Variants in BBX observed in about 807,000 individuals in gnomAD.
BBX encodes the protein BBX high mobility group box domain containing.
BBX carries 30 observed loss-of-function variants against 100.2 expected under a neutral mutation model. The observed-to-expected ratio is 0.30, with a 90% CI of 0.22 to 0.41. The LOEUF (loss-of-function observed/expected upper bound fraction) is 0.41, where lower values mean the gene tolerates loss of function less well. Among genes scored for constraint, BBX ranks in the 10% least tolerant of loss-of-function variants. BBX has a pLI of 1.00. For synonymous variants in BBX, 376 were observed against 388.1 expected (o/e 0.97, Z 0.37); for missense variants, 1,023 against 1,129.8 (o/e 0.91, Z 1.35).
intron 3 of BBX, among the ~76,000 whole-genome samples, chr3:107,676,173 G>A (rs945067752): frequency 1.3e-5 from 2 of 152,042 alleles, no homozygotes; most frequent in Non-Finnish European, 1.5e-5. Flanking sequence ...ACAAAACAAT[G>A]AGTCTATAAC....
intron 7 of BBX, among the ~76,000 whole-genome samples, chr3:107,739,253 A>C (rs1001806276): frequency 3.9e-5 from 6 of 152,202 alleles, no homozygotes; most frequent in African/African-American, 1.4e-4. Flanking sequence ...ATTCCAGAAT[A>C]CTTTAATCCA....
chr3:107,577,750 G>A (rs2051904356), intron 2 of BBX, among the ~76,000 whole-genome samples: 1 of 152,136 alleles, frequency 6.6e-6, no homozygotes, highest in South Asian at 2.1e-4. Context: ...GTAGCAAAGG[G>A]ACTGGAAAGA....
At chr3:107,758,641 C>T (rs1041893424) in intron 10 of BBX, among the ~76,000 whole-genome samples, 1 of 152,112 alleles carries the variant, frequency 6.6e-6, no homozygotes, top group East Asian at 1.9e-4. Flanking sequence ...CCCAACCACC[C>T]GAGTACTCTT....
intron 4 of BBX, among the ~76,000 whole-genome samples, chr3:107,715,886 G>A (rs1389678822): frequency 2.0e-5 from 3 of 152,210 alleles, no homozygotes; most frequent in East Asian, 3.8e-4. Flanking sequence ...GAAGGTTTAA[G>A]CCTAGAGGAG....
chr3:107,661,618 G>A (rs2058447900), intron 3 of BBX, among the ~76,000 whole-genome samples: 1 of 152,152 alleles, frequency 6.6e-6, no homozygotes, highest in African/African-American at 2.4e-5. Context: ...TGAGTAAATA[G>A]AACCAGAAAT....
intron 9 of BBX, among the ~76,000 whole-genome samples, chr3:107,749,027 C>A (rs1289871157): frequency 6.6e-6 from 1 of 151,630 alleles, no homozygotes; most frequent in African/African-American, 2.4e-5. Context: ...CCTCTTGGGA[C>A]AACTCGTGTC....
chr3:107,682,973 CTTTT>C (rs1297994741), intron 3 of BBX, among the ~76,000 whole-genome samples: 2 of 152,072 alleles, frequency 1.3e-5, no homozygotes, highest in Non-Finnish European at 2.9e-5. Flanking sequence ...TATTGACTTT[CTTTT>C]TTGTTTGTAA....
chr3:107,665,140 C>T (rs2058673002), intron 3 of BBX, among the ~76,000 whole-genome samples: 5 of 152,200 alleles, frequency 3.3e-5, no homozygotes, highest in Admixed American at 3.3e-4. Flanking sequence ...ATACCAGGAT[C>T]TATCCTATTT....
At chr3:107,774,955 T>C (rs1012680145) in intron 12 of BBX, 98 bp downstream of exon 12, 5 of 1,398,132 alleles carry the variant, frequency 3.6e-6, no homozygotes, top group African/African-American at 1.4e-5. Context: ...TGCTTGTTCT[T>C]TGACTACTCG....
intron 2 of BBX, among the ~76,000 whole-genome samples, chr3:107,569,106 C>G (rs985657402): frequency 6.6e-6 from 1 of 152,198 alleles, no homozygotes; most frequent in Non-Finnish European, 1.5e-5. Context: ...ACTTAGCTAA[C>G]TACGTGCCAG....
intron 6 of BBX, among the ~76,000 whole-genome samples, chr3:107,732,011 C>G (rs2063347851): frequency 1.3e-5 from 2 of 152,172 alleles, no homozygotes; most frequent in Admixed American, 1.3e-4. Flanking sequence ...ACACAGGTGC[C>G]TTTTCTTTGA....
At position 107,565,469 on chromosome 3, in the gene BBX, TTATTTATTTATG is replaced by T. The variant is rs368179909; in HGVS notation, c.-84+39075_-84+39086del. ...TTTATTTATTTATTTATTTATTTAT[TTATTTATTTATG>T]TATGTTTGAGACGGAGTCTCACTCT... On this transcript the variant is annotated intron_variant, in intron 2 of 17. Transcript: ENST00000325805. Among the ~76,000 whole-genome samples, 35 of 148,938 alleles carry T rather than the reference TTATTTATTTATG, an allele frequency of 2.3e-4. 1 individual carries two copies. The highest frequency in any genetic ancestry group is 5.4e-4 in the Admixed American group (8 of 14,934).
At position 107,710,600 on chromosome 3, in the gene BBX, A is replaced by G. The variant is rs900556346; in HGVS notation, c.140A>G (p.Asp47Gly). 1.9e-6 allele frequency: 3 copies of G among 1,613,042 alleles called. No individual in the cohort carries two copies. The highest frequency in any genetic ancestry group is 2.7e-5 in the African/African-American group (2 of 74,878). Residue 47 changes from aspartate to glycine, a missense_variant, in exon 4 of 18, where the codon GAC becomes GGC. This residue lies in a region of BBX where 229 missense variants were observed against 226.3 expected (regional missense o/e 1.01). Coordinates refer to ENST00000325805, the MANE Select transcript of BBX (RefSeq NM_001142568.3). ...TTTTCAGAAGAGGAAGAAGAGGAAG[A>G]CGAAGAGGAGGATATTGATAAGGTA... Reference protein sequence around the residue: ...LDFSEEEEEEDEEEDIDKVQL... With the variant: ...LDFSEEEEEEGEEEDIDKVQL...
chr3:107,717,312 G>A (rs1162537840), intron 5 of BBX, among the ~76,000 whole-genome samples: 1 of 152,034 alleles, frequency 6.6e-6, no homozygotes, highest in Non-Finnish European at 1.5e-5. Flanking sequence ...ATGGGAAAGA[G>A]CCTTGATCTA....
chr3:107,571,080 TAA>T (rs1000878034), intron 2 of BBX, among the ~76,000 whole-genome samples: 17 of 152,104 alleles, frequency 1.1e-4, no homozygotes, highest in Non-Finnish European at 2.2e-4. Context: ...AGGCAAGAGT[TAA>T]AGAGGTTTTA....
At chr3:107,672,540 G>A (rs1436562283) in intron 3 of BBX, among the ~76,000 whole-genome samples, 2 of 151,936 alleles carry the variant, frequency 1.3e-5, no homozygotes, top group Non-Finnish European at 2.9e-5. Context: ...CATCTCCTAA[G>A]TATAAGACAT....
chr3:107,769,119 G>T (rs976470239), intron 10 of BBX, among the ~76,000 whole-genome samples: 2 of 151,466 alleles, frequency 1.3e-5, no homozygotes, highest in Admixed American at 1.3e-4. Context: ...CATGAGCTAT[G>T]ATCATGCCAC....
At chr3:107,667,781 TTATC>T (rs1247659430) in intron 3 of BBX, among the ~76,000 whole-genome samples, 2 of 152,028 alleles carry the variant, frequency 1.3e-5, no homozygotes, top group African/African-American at 2.4e-5. Flanking sequence ...AAAAATAGAT[TTATC>T]TATATTATTA....
At chr3:107,777,474 A>G (rs1273985543) in intron 12 of BBX, among the ~76,000 whole-genome samples, 1 of 151,958 alleles carries the variant, frequency 6.6e-6, no homozygotes, top group Admixed American at 6.6e-5. Context: ...TTCCCAATAC[A>G]CCTTCTTCCA....
Sources: allele counts gnomAD v4.1 joint callset (sites outside exome capture counted in the v4.1 genomes callset), GRCh38; gene constraint gnomAD v4.1.1; regional missense constraint gnomAD v4.1.1; transcripts MANE v1.5; gene names NCBI Gene and HGNC (gene_info 2026-07-23, HGNC 2026-07-21).